RETREG1: variants seen among roughly 807,000 people sequenced by gnomAD.
RETREG1 encodes the protein family with sequence similarity 134 member B.
RETREG1 carries 44 observed loss-of-function variants against 54.8 expected under a neutral mutation model. The ratio of observed to expected loss-of-function variants is 0.80; its 90% confidence interval spans 0.63 to 1.03. RETREG1 has a LOEUF of 1.03. RETREG1 is among the 50% of genes least tolerant of loss of function. RETREG1 has a pLI of 0.00. For missense variants in RETREG1, 554 were observed against 605.1 expected (o/e 0.92, Z 0.89); for synonymous variants, 217 against 238.5 (o/e 0.91, Z 0.83).
At chr5:16,590,895 A>G (rs541725398) in intron 1 of RETREG1, among the ~76,000 whole-genome samples, 1 of 132,670 alleles carries the variant, frequency 7.5e-6, no homozygotes, top group Non-Finnish European at 1.8e-5. Context: ...ACGCACACAC[A>G]CATGCACAAA....
intron 3 of RETREG1, among the ~76,000 whole-genome samples, chr5:16,547,375 G>C (rs753715223): frequency 2.0e-5 from 3 of 152,150 alleles, no homozygotes; most frequent in South Asian, 2.1e-4. Context: ...ATGAACTCCT[G>C]AACAGAAAAC....
intron 3 of RETREG1, among the ~76,000 whole-genome samples, chr5:16,489,193 T>A (rs1158746900): frequency 6.7e-6 from 1 of 150,362 alleles, no homozygotes; most frequent in Non-Finnish European, 1.5e-5. Flanking sequence ...AGTTTTGTTA[T>A]GAACAAAATA....
chr5:16,538,419 TC>T (rs2126603528), intron 3 of RETREG1, among the ~76,000 whole-genome samples: 1 of 152,278 alleles, frequency 6.6e-6, no homozygotes, highest in South Asian at 2.1e-4. Flanking sequence ...ATAATGATGA[TC>T]GCTAAAGTGA....
At chr5:16,553,594 T>G (rs1391667071) in intron 3 of RETREG1, among the ~76,000 whole-genome samples, 1 of 152,106 alleles carries the variant, frequency 6.6e-6, no homozygotes, top group Non-Finnish European at 1.5e-5. Flanking sequence ...TGTATGAATA[T>G]TCATATTTCA....
chr5:16,533,448 A>G (rs538590319), intron 3 of RETREG1, among the ~76,000 whole-genome samples: 11 of 152,322 alleles, frequency 7.2e-5, no homozygotes, highest in South Asian at 2.1e-4. Flanking sequence ...GAGAAATGCC[A>G]TATTTTAAGT....
At chr5:16,550,178 G>A (rs1741493233) in intron 3 of RETREG1, among the ~76,000 whole-genome samples, 1 of 151,958 alleles carries the variant, frequency 6.6e-6, no homozygotes, top group Non-Finnish European at 1.5e-5. Context: ...ACCCCAGTGA[G>A]GATACTACAC....
intron 3 of RETREG1, among the ~76,000 whole-genome samples, chr5:16,493,101 T>C (rs972273695): frequency 1.3e-5 from 2 of 151,998 alleles, no homozygotes; most frequent in African/African-American, 4.8e-5. Flanking sequence ...TTTTTTTATA[T>C]CAAGTTTAAA....
chr5:16,510,587 C>T (rs761390648), intron 3 of RETREG1, among the ~76,000 whole-genome samples: 1 of 151,774 alleles, frequency 6.6e-6, no homozygotes, highest in Non-Finnish European at 1.5e-5. Flanking sequence ...GTTAGGAGTT[C>T]GAGACCAGCC....
intron 3 of RETREG1, among the ~76,000 whole-genome samples, chr5:16,547,808 G>A (rs1298379200): frequency 2.6e-5 from 4 of 152,188 alleles, no homozygotes; most frequent in Non-Finnish European, 5.9e-5. Context: ...TTATTAGTGG[G>A]TAAAACTGTT....
At chr5:16,566,991 T>C (rs1257093413) in intron 2 of RETREG1, among the ~76,000 whole-genome samples, 1 of 151,850 alleles carries the variant, frequency 6.6e-6, no homozygotes, top group Non-Finnish European at 1.5e-5. Flanking sequence ...GAGCCAAGAG[T>C]GGAGAAAGTA....
intron 4 of RETREG1, among the ~76,000 whole-genome samples, chr5:16,481,789 T>G (rs1165020445): frequency 2.6e-5 from 4 of 152,076 alleles, no homozygotes; most frequent in African/African-American, 9.7e-5. Context: ...TTTAAGAAAT[T>G]TAAAAACATC....
Position 16,594,657 on chromosome 5 carries a change from G to A in RETREG1, c.320+21995C>T, listed in dbSNP as rs779347547. On this transcript the variant is annotated intron_variant, in intron 1 of 8. Coordinates refer to ENST00000306320, the MANE Select transcript of RETREG1 (RefSeq NM_001034850.3). The surrounding 1 kb of genome is among the most constrained non-coding windows in gnomAD (Gnocchi z 4.4). ...GGAAAATCGCTTGAATCCAGGAGGC[G>A]GAGACTGCAGTAAGCCAAGATTGCA... Among the ~76,000 whole-genome samples the A allele has an allele frequency of 2.6e-5, 4 of 152,042 alleles. No homozygotes were observed. Among genetic ancestry groups the A allele is most frequent in the Admixed American group, 6.6e-5 (1 of 15,254 alleles).
intron 1 of RETREG1, chr5:16,616,398 G>T (rs1420910200): frequency 3.6e-6 from 2 of 561,176 alleles, no homozygotes; most frequent in Non-Finnish European, 5.9e-6. Flanking sequence ...GGTGCCTGAG[G>T]GTCGGCCGAC....
chr5:16,531,294 T>C (rs1002788082), intron 3 of RETREG1, among the ~76,000 whole-genome samples: 1 of 152,224 alleles, frequency 6.6e-6, no homozygotes, highest in African/African-American at 2.4e-5. Flanking sequence ...GGGCTATGTT[T>C]TTCTTCTCTC....
At chr5:16,532,104 C>T (rs540766977) in intron 3 of RETREG1, among the ~76,000 whole-genome samples, 1 of 152,338 alleles carries the variant, frequency 6.6e-6, no homozygotes, top group Admixed American at 6.5e-5. Context: ...TTCCTGATAT[C>T]CAGTGGAGAC....
At chr5:16,484,550 G>T (rs1435846427) in intron 3 of RETREG1, among the ~76,000 whole-genome samples, 1 of 152,118 alleles carries the variant, frequency 6.6e-6, no homozygotes, top group Non-Finnish European at 1.5e-5. Flanking sequence ...CTGATCTCTG[G>T]ATTCAATTCC....
intron 2 of RETREG1, among the ~76,000 whole-genome samples, chr5:16,568,421 A>ATG (rs1165202372): frequency 2.0e-5 from 3 of 151,890 alleles, no homozygotes; most frequent in African/African-American, 7.3e-5. Context: ...ACAGGTGCCC[A>ATG]CCACCACGCC....
intron 1 of RETREG1, among the ~76,000 whole-genome samples, chr5:16,591,017 C>A (rs1561132226): frequency 2.0e-5 from 3 of 152,048 alleles, no homozygotes. Flanking sequence ...ACACCTCAGT[C>A]CAAAAACCAA....
intron 1 of RETREG1, among the ~76,000 whole-genome samples, chr5:16,606,048 G>C (rs1482474034): frequency 1.3e-5 from 2 of 152,160 alleles, no homozygotes; most frequent in Non-Finnish European, 1.5e-5. Flanking sequence ...AAAACACAGA[G>C]AGGCCCAGAA....
Sources: gnomAD v4.1 joint callset for allele counts (sites outside exome capture counted in the v4.1 genomes callset) on GRCh38, gnomAD v4.1.1 for gene constraint, Gnocchi (gnomAD v3.1) non-coding constraint, MANE v1.5 for transcripts, NCBI Gene and HGNC (gene_info 2026-07-23, HGNC 2026-07-21) for gene names.